NBEA: variants seen among roughly 807,000 people sequenced by gnomAD.
NBEA encodes neurobeachin, also known as lysosomal-trafficking regulator 2.
A neutral mutation model predicts 343.4 loss-of-function variants in NBEA; 44 were observed. The observed-to-expected ratio is 0.13, with a 90% CI of 0.10 to 0.16. The LOEUF (loss-of-function observed/expected upper bound fraction) is 0.16, where lower values mean the gene tolerates loss of function less well. Among genes scored for constraint, NBEA ranks in the 10% least tolerant of loss-of-function variants. The pLI, the probability that NBEA is intolerant of heterozygous loss-of-function variation, is 1.00. For synonymous variants in NBEA, 1,175 were observed against 1,238.7 expected, an observed-to-expected ratio of 0.95 and a Z score of 1.08; for missense variants, 2,555 against 3,631.3, an observed-to-expected ratio of 0.70 and a Z score of 7.62.
intron 34 of NBEA, among the ~76,000 whole-genome samples, chr13:35,279,538 C>T (rs1246705662): frequency 6.6e-6 from 1 of 152,176 alleles, no homozygotes; most frequent in Non-Finnish European, 1.5e-5. Flanking sequence ...TAAAAACTAA[C>T]TGGCTTATTA....
chr13:35,659,464 A>C (rs1293550935), intron 55 of NBEA, among the ~76,000 whole-genome samples: 2 of 152,242 alleles, frequency 1.3e-5, no homozygotes, highest in African/African-American at 4.8e-5. Context: ...CCACGAAGAA[A>C]AAATGTCATG....
chr13:35,349,288 A>G (rs1566012413), intron 37 of NBEA, 72 bp downstream of exon 37: 8 of 748,684 alleles, frequency 1.1e-5, no homozygotes, highest in African/African-American at 1.8e-5. Flanking sequence ...GTGACCTTAC[A>G]TAAGAAGGTT....
intron 36 of NBEA, among the ~76,000 whole-genome samples, chr13:35,320,498 C>G (rs185376673): frequency 6.6e-6 from 1 of 152,262 alleles, no homozygotes; most frequent in East Asian, 1.9e-4. Flanking sequence ...CTTGGGGTAA[C>G]CTGACCTTTC....
At chr13:35,469,099 C>CAAAAA (rs34222156) in intron 40 of NBEA, among the ~76,000 whole-genome samples, 47 of 84,884 alleles carry the variant, frequency 5.5e-4, no homozygotes, top group African/African-American at 1.5e-3. Flanking sequence ...GACTCTATCT[C>CAAAAA]AAAAAAAAAA....
In NBEA at chr13:35,482,298, A is replaced by G. The variant is rs555319669; in HGVS notation, c.6585+9762A>G. Among the ~76,000 whole-genome samples, 5 of 151,746 alleles carry G rather than the reference A, an allele frequency of 3.3e-5. 1 individual carries two copies. In the South Asian group the frequency reaches 1.0e-3, roughly 31 times the overall value. ...TACAGAAAAAGAAGGAAATTAGTTTATAAATATAAATTTTCTTTATATCTT... is the reference window on the plus strand; with the variant it reads ...TACAGAAAAAGAAGGAAATTAGTTTGTAAATATAAATTTTCTTTATATCTT... On this transcript the variant is annotated intron_variant, in intron 41 of 58. Transcript: ENST00000379939.
rs941137061 is a variant in NBEA at position 35,667,504 on chromosome 13, G to A, written c.8595G>A (p.Gly2865=). 2 of 1,613,996 alleles carry A rather than the reference G, an allele frequency of 1.2e-6. No homozygotes were observed. The highest frequency in any genetic ancestry group is 3.3e-5 in the Admixed American group (2 of 60,016). ...EGHCIIYYER[G]RFSNFSINGK... ...ACTGTATCATATACTATGAACGAGG[G>A]CGATTCAGTAATTTCAGCATTAATG... Residue 2865 remains glycine (G), a synonymous_variant, in exon 57 of 59, where the codon GGG becomes GGA. Coordinates refer to ENST00000379939, the MANE Select transcript of NBEA (RefSeq NM_001385012.1).
At chr13:35,141,228 A>T (rs1282305454) in intron 17 of NBEA, among the ~76,000 whole-genome samples, 1 of 152,072 alleles carries the variant, frequency 6.6e-6, no homozygotes, top group Non-Finnish European at 1.5e-5. Flanking sequence ...AATACTGAGA[A>T]TTGGGAGAGA....
At chr13:35,146,622 G>A (rs1477461882) in intron 18 of NBEA, among the ~76,000 whole-genome samples, 3 of 151,972 alleles carry the variant, frequency 2.0e-5, no homozygotes, top group Non-Finnish European at 4.4e-5. Flanking sequence ...CAGGTATTGC[G>A]CCTGTGTCAC....
At chr13:34,972,844 C>CA (rs1407111489) in intron 1 of NBEA, among the ~76,000 whole-genome samples, 17 of 152,124 alleles carry the variant, frequency 1.1e-4, no homozygotes, top group African/African-American at 3.6e-4. Context: ...CCCTTTCAGC[C>CA]ATCTCAGCCT....
chr13:35,628,360 C>G, intron 49 of NBEA, 112 bp downstream of exon 49: 1 of 806,974 alleles, frequency 1.2e-6, no homozygotes, highest in South Asian at 2.6e-5. Context: ...TCTTACAAAA[C>G]AGATTTCAGG....
At chr13:35,507,603 G>T (rs1415753215) in intron 41 of NBEA, among the ~76,000 whole-genome samples, 2 of 151,986 alleles carry the variant, frequency 1.3e-5, no homozygotes, top group African/African-American at 4.8e-5. Flanking sequence ...CAATCCAGTT[G>T]TTCGAGCCAA....
chr13:35,649,856 G>A lies in NBEA; in HGVS notation c.7963+9G>A. The A allele has an allele frequency of 6.2e-7, 1 of 1,608,714 alleles. No individual in the cohort carries two copies. The highest frequency in any genetic ancestry group is 8.5e-7 in the Non-Finnish European group (1 of 1,178,522). On this transcript the variant is annotated intron_variant, in intron 52 of 58. Transcript: ENST00000379939. ...ATGGCACAACACAGTAGGTATGTGT[G>A]CCTGAGCAAATCACTTACTAAAGAT...
intron 34 of NBEA, among the ~76,000 whole-genome samples, chr13:35,276,911 T>A (rs1190588432): frequency 6.6e-6 from 1 of 152,188 alleles, no homozygotes; most frequent in Admixed American, 6.5e-5. Flanking sequence ...AGATTATACA[T>A]TTGTTTAAAT....
At chr13:34,948,063 T>C (rs965566140) in intron 1 of NBEA, among the ~76,000 whole-genome samples, 1 of 152,198 alleles carries the variant, frequency 6.6e-6, no homozygotes, top group Non-Finnish European at 1.5e-5. Context: ...ACGTAATGCA[T>C]TGAAGAGAAA....
At chr13:35,414,810 T>A (rs901425841) in intron 38 of NBEA, among the ~76,000 whole-genome samples, 21 of 152,288 alleles carry the variant, frequency 1.4e-4, no homozygotes, top group African/African-American at 4.6e-4. Context: ...CGCCACACTG[T>A]CTTCCACAAT....
chr13:35,064,855 C>T (rs2063592820), intron 8 of NBEA, among the ~76,000 whole-genome samples: 1 of 151,548 alleles, frequency 6.6e-6, no homozygotes, highest in East Asian at 1.9e-4. Context: ...AGAAGAAAAC[C>T]CTGCTGACAC....
intron 10 of NBEA, among the ~76,000 whole-genome samples, chr13:35,086,394 A>G (rs1180087165): frequency 1.3e-5 from 2 of 151,888 alleles, no homozygotes; most frequent in African/African-American, 2.4e-5. Context: ...ACTTTGACCA[A>G]CTATCTAACT....
chr13:35,615,129 C>CAAAAAAAAAAAAAA (rs34475826), intron 48 of NBEA, among the ~76,000 whole-genome samples: 136 of 110,768 alleles, frequency 1.2e-3, no homozygotes, highest in Non-Finnish European at 1.6e-3. Context: ...ACTAAAAATA[C>CAAAAAAAAAAAAAA]AAAAAAAAAA....
At chr13:35,647,404 G>T (rs1187449911) in intron 51 of NBEA, among the ~76,000 whole-genome samples, 1 of 152,048 alleles carries the variant, frequency 6.6e-6, no homozygotes, top group Non-Finnish European at 1.5e-5. Flanking sequence ...ATTTTGTGAT[G>T]GAAGTATTAA....
Sources: allele counts gnomAD v4.1 joint callset (sites outside exome capture counted in the v4.1 genomes callset), GRCh38; gene constraint gnomAD v4.1.1; transcripts MANE v1.5; gene names NCBI Gene and HGNC (gene_info 2026-07-23, HGNC 2026-07-21).